LRP1B: variants seen among roughly 807,000 people sequenced by gnomAD.
The protein encoded by LRP1B is LDL receptor related protein 1B.
In LRP1B, 217 loss-of-function variants were observed where a neutral mutation model predicts 556.6. That is an observed-to-expected ratio of 0.39 (90% CI 0.35 to 0.44). The LOEUF (loss-of-function observed/expected upper bound fraction) is 0.44, where lower values mean the gene tolerates loss of function less well. LRP1B is among the 20% of genes least tolerant of loss of function. LRP1B has a pLI of 1.00. For missense variants in LRP1B, 5,053 were observed against 5,620.8 expected, an observed-to-expected ratio of 0.90 and a Z score of 3.23; for synonymous variants, 2,047 against 1,865.8, an observed-to-expected ratio of 1.10 and a Z score of -2.50.
At chr2:141,993,064 A>G (rs1421637440) in intron 1 of LRP1B, among the ~76,000 whole-genome samples, 1 of 152,110 alleles carries the variant, frequency 6.6e-6, no homozygotes, top group Non-Finnish European at 1.5e-5. Context: ...AGGAAAATAA[A>G]TCCATGGTAA....
intron 7 of LRP1B, among the ~76,000 whole-genome samples, chr2:141,143,219 G>C (rs1026170404): frequency 6.6e-6 from 1 of 152,014 alleles, no homozygotes; most frequent in Non-Finnish European, 1.5e-5. Flanking sequence ...GTGAGCCACC[G>C]CACCCAGAGA....
intron 3 of LRP1B, among the ~76,000 whole-genome samples, chr2:141,280,628 C>T (rs141721084): frequency 6.6e-6 from 1 of 151,676 alleles, no homozygotes; most frequent in Non-Finnish European, 1.5e-5. Context: ...TGTTTAAAGT[C>T]CCAGTAATAA....
In LRP1B at chr2:142,028,026, T is replaced by C. The variant is rs370970784; in HGVS notation, c.82+102622A>G. Among the ~76,000 whole-genome samples the C allele has an allele frequency of 4.1e-4, 63 of 152,106 alleles. 1 individual carries two copies. Among genetic ancestry groups the C allele is most frequent in the African/African-American group, 1.4e-3 (59 of 41,554 alleles). On this transcript the variant is annotated intron_variant, in intron 1 of 90. Transcript: ENST00000389484. ...CAGAAGTTAACAGATTACAAATACA[T>C]ATTGACATTTAACATTTATTTAATC...
chr2:141,611,527 C>T (rs570509731), intron 2 of LRP1B, among the ~76,000 whole-genome samples: 64 of 152,216 alleles, frequency 4.2e-4, no homozygotes, highest in African/African-American at 9.9e-4. Flanking sequence ...GCCTTAAATG[C>T]TATTACTCTG....
intron 1 of LRP1B, among the ~76,000 whole-genome samples, chr2:141,929,915 A>AACAAAACAAAACAAAAC (rs1700443526): frequency 7.6e-3 from 60 of 7,896 alleles, no homozygotes; most frequent in African/African-American, 0.02. Context: ...ATGGAAACAA[A>AACAAAACAAAACAAAAC]AAAAAAAAAA....
chr2:140,294,521 T>C (rs13402527), intron 84 of LRP1B, among the ~76,000 whole-genome samples: 3,311 of 152,280 alleles, frequency 0.022, 119 homozygotes, highest in African/African-American at 0.074. Flanking sequence ...GAGAGGTTGA[T>C]TCAAACTGAG....
intron 32 of LRP1B, among the ~76,000 whole-genome samples, chr2:140,788,519 T>A (rs1445980972): frequency 6.6e-6 from 1 of 152,214 alleles, no homozygotes; most frequent in African/African-American, 2.4e-5. Context: ...ATCCTTGTAA[T>A]GCAGTGGTCT....
chr2:140,701,855 A>G lies in LRP1B; in HGVS notation c.6303-10T>C, dbSNP rs750665750. The G allele has an allele frequency of 6.2e-7, 1 of 1,612,684 alleles. No individual in the cohort carries two copies. Among genetic ancestry groups the G allele is most frequent in the Non-Finnish European group, 8.5e-7 (1 of 1,179,224 alleles). On this transcript the variant is annotated splice_polypyrimidine_tract_variant and intron_variant, in intron 39 of 90. Coordinates refer to ENST00000389484, the MANE Select transcript of LRP1B (RefSeq NM_018557.3). Reference sequence around the variant, plus strand: ...CCCGTTTGCATGTGCTCTGCCAAAAAGTTGAACATACATGATCAACAATCT... The same window carrying G: ...CCCGTTTGCATGTGCTCTGCCAAAAGGTTGAACATACATGATCAACAATCT...
rs1395532102 is a variant in LRP1B at position 140,770,941 on chromosome 2, T to C, written c.5566A>G (p.Thr1856Ala). The change falls in exon 34 of 91, where the codon ACA becomes GCA. Residue 1856 changes from threonine (T) to alanine (A), a missense_variant. Transcript: ENST00000389484. ...CCCACTGTACACATACAAGTCCTTG[T>C]AGTTTCAGATGTTGGTAAACAAAGT... ...SQLCLPTSETTRTCMCTVGYY... is the reference protein window; with the variant it reads ...SQLCLPTSETARTCMCTVGYY... 1 of 1,588,806 alleles carries C rather than the reference T, an allele frequency of 6.3e-7. No homozygotes were observed. Among genetic ancestry groups the C allele is most frequent in the South Asian group, 1.2e-5 (1 of 86,464 alleles).
intron 23 of LRP1B, among the ~76,000 whole-genome samples, chr2:140,902,450 T>A (rs1255008374): frequency 6.6e-6 from 1 of 152,162 alleles, no homozygotes; most frequent in African/African-American, 2.4e-5. Flanking sequence ...AATATCATAA[T>A]CTAAAGCCCT....
At chr2:140,432,173 C>T (rs1394074787) in intron 66 of LRP1B, among the ~76,000 whole-genome samples, 1 of 152,140 alleles carries the variant, frequency 6.6e-6, no homozygotes, top group Non-Finnish European at 1.5e-5. Context: ...CATCCTGGCT[C>T]AAAAACTCCC....
At chr2:140,778,894 G>T (rs1176402590) in intron 32 of LRP1B, among the ~76,000 whole-genome samples, 1 of 151,786 alleles carries the variant, frequency 6.6e-6, no homozygotes, top group Admixed American at 6.6e-5. Context: ...CATTGCCACT[G>T]TCCTAATTGT....
chr2:141,115,452 G>GTTTTTTTTTTTT (rs1364204085), intron 7 of LRP1B, among the ~76,000 whole-genome samples: 1 of 90,610 alleles, frequency 1.1e-5, no homozygotes, highest in African/African-American at 3.8e-5. Flanking sequence ...ATAGGTTTTT[G>GTTTTTTTTTTTT]TTTTTGTTTT....
intron 3 of LRP1B, among the ~76,000 whole-genome samples, chr2:141,329,898 C>T (rs991352981): frequency 6.6e-6 from 1 of 152,028 alleles, no homozygotes; most frequent in Non-Finnish European, 1.5e-5. Flanking sequence ...AGGAGGTTCT[C>T]TCTGAATTTG....
chr2:141,361,497 T>A (rs909870721), intron 3 of LRP1B, among the ~76,000 whole-genome samples: 1 of 152,118 alleles, frequency 6.6e-6, no homozygotes. Flanking sequence ...AGGAAAAAAA[T>A]ATGTTGTGTG....
intron 16 of LRP1B, 117 bp from the exon 17 acceptor site, chr2:140,989,774 G>A: frequency 1.1e-6 from 1 of 936,716 alleles, no homozygotes; most frequent in Non-Finnish European, 1.6e-6. Flanking sequence ...AAATGTCATA[G>A]AGTCTGTCAT....
At chr2:140,842,751 G>A (rs1692148676) in intron 29 of LRP1B, among the ~76,000 whole-genome samples, 1 of 152,026 alleles carries the variant, frequency 6.6e-6, no homozygotes, top group African/African-American at 2.4e-5. Context: ...CTGAGAGGCT[G>A]TATTGATGTA....
intron 3 of LRP1B, among the ~76,000 whole-genome samples, chr2:141,420,362 C>T (rs980212104): frequency 1.3e-5 from 2 of 152,140 alleles, no homozygotes; most frequent in African/African-American, 2.4e-5. Flanking sequence ...TTATGACTGA[C>T]CTTGTACAGG....
chr2:141,791,900 G>A (rs1190283397), intron 2 of LRP1B, among the ~76,000 whole-genome samples: 1 of 151,954 alleles, frequency 6.6e-6, no homozygotes, highest in Non-Finnish European at 1.5e-5. Flanking sequence ...GGCTAAGGTA[G>A]CACATTCCTG....
Sources: allele counts gnomAD v4.1 joint callset (sites outside exome capture counted in the v4.1 genomes callset), GRCh38; gene constraint gnomAD v4.1.1; transcripts MANE v1.5; gene names NCBI Gene and HGNC (gene_info 2026-07-23, HGNC 2026-07-21).